FAM171A1: variants seen among roughly 807,000 people sequenced by gnomAD.
FAM171A1 encodes the protein protein FAM171A1.
A neutral mutation model predicts 74.9 loss-of-function variants in FAM171A1; 23 were observed. The ratio of observed to expected loss-of-function variants is 0.31; its 90% CI spans 0.22 to 0.44. The LOEUF is 0.44. Ranked by LOEUF, FAM171A1 falls within the 20% of genes least tolerant of loss-of-function variation. The pLI is 1.00. For synonymous variants in FAM171A1, 527 were observed against 505.7 expected (o/e 1.04, Z -0.57); for missense variants, 1,162 against 1,159.2 (o/e 1.00, Z -0.03).
intron 1 of FAM171A1, among the ~76,000 whole-genome samples, chr10:15,295,846 C>A (rs1057170151): frequency 6.6e-6 from 1 of 152,202 alleles, no homozygotes; most frequent in Non-Finnish European, 1.5e-5. Context: ...TCCTTAGCAC[C>A]ATGATTAGCT....
At chr10:15,333,525 T>C (rs941788724) in intron 1 of FAM171A1, among the ~76,000 whole-genome samples, 3 of 145,826 alleles carry the variant, frequency 2.1e-5, no homozygotes, top group Admixed American at 1.4e-4. Context: ...AGACAACCAA[T>C]CAACCAAAAA....
Position 15,284,073 on chromosome 10 carries a change from T to G in FAM171A1, c.130A>C (p.Ser44Arg), listed in dbSNP as rs1182904567. The G allele has an allele frequency of 6.2e-7, 1 of 1,613,918 alleles. No homozygotes were observed. Among genetic ancestry groups the G allele is most frequent in the African/African-American group, 1.3e-5 (1 of 75,006 alleles). The change falls in exon 2 of 8, where the codon AGC (serine) becomes CGC (arginine). Residue 44 changes from serine (S) to arginine (R), a missense_variant. Ser to Arg is a moderately radical substitution (Grantham distance 110). Coordinates refer to ENST00000378116, the MANE Select transcript of FAM171A1 (RefSeq NM_001010924.2). Reference sequence around the variant, plus strand: ...GCATCTGCTACGGGCTGGTGGGTGCTGGCGTCGCTGATGTGCACCTTTAAC... The same window carrying G: ...GCATCTGCTACGGGCTGGTGGGTGCGGGCGTCGCTGATGTGCACCTTTAAC... The part of the protein sequence containing the change: ...VTLKVHISDA[S>R]THQPVADALI...
intron 3 of FAM171A1, among the ~76,000 whole-genome samples, chr10:15,261,742 G>A (rs1834659911): frequency 6.6e-6 from 1 of 152,120 alleles, no homozygotes. Context: ...TACCATGTGT[G>A]GGGAAGTGAA....
intron 5 of FAM171A1, 55 bp from the exon 6 acceptor site, chr10:15,221,115 G>C (rs1588494930): frequency 2.1e-6 from 3 of 1,418,172 alleles, no homozygotes; most frequent in Non-Finnish European, 2.0e-6. Context: ...CCTTTGTAAG[G>C]CTTGAGCATA....
intron 1 of FAM171A1, among the ~76,000 whole-genome samples, chr10:15,305,054 G>A (rs1835276967): frequency 6.6e-6 from 1 of 152,086 alleles, no homozygotes; most frequent in Admixed American, 6.6e-5. Context: ...TATCTTCCCT[G>A]TAGCTGCCCA....
rs751565132 is a variant in FAM171A1 at position 15,213,069 on chromosome 10, G to A, written c.2519C>T (p.Ala840Val). 24 of 1,613,620 alleles carry A rather than the reference G, an allele frequency of 1.5e-5. 1 individual carries two copies. The Middle Eastern group carries it at 1.3e-3, about 89-fold the overall frequency. ...GGCTGCTGGCTCCGAGGGGGCATCC[G>A]CAGTCCGTCTGGTCGTCTCCTCCTG... ...SLQEETTRRTADAPSEPAASP... is the reference protein window; with the variant it reads ...SLQEETTRRTVDAPSEPAASP... Residue 840 changes from alanine to valine, a missense_variant, in exon 8 of 8, where the codon GCG becomes GTG. Physicochemically the swap from Ala to Val is moderately conservative, Grantham distance 64. Transcript: ENST00000378116. This position sits in a 1 kb window ranked among gnomAD's most constrained non-coding sequence, Gnocchi z 6.8.
At chr10:15,339,766 G>A (rs775362548) in intron 1 of FAM171A1, among the ~76,000 whole-genome samples, 1 of 152,068 alleles carries the variant, frequency 6.6e-6, no homozygotes, top group African/African-American at 2.4e-5. Context: ...CTGCCTTCAC[G>A]CTGCTGATAA....
chr10:15,256,083 C>T (rs1402306964), intron 3 of FAM171A1, among the ~76,000 whole-genome samples: 1 of 152,174 alleles, frequency 6.6e-6, no homozygotes, highest in East Asian at 1.9e-4. Context: ...GTAGATCCAA[C>T]CCCAGGCTTG....
At chr10:15,271,080 C>A (rs1177759350) in intron 3 of FAM171A1, among the ~76,000 whole-genome samples, 1 of 152,154 alleles carries the variant, frequency 6.6e-6, no homozygotes, top group Admixed American at 6.5e-5. Flanking sequence ...TAATAACAAA[C>A]TTCTCTGAGC....
At chr10:15,295,187 C>T (rs913476417) in intron 1 of FAM171A1, among the ~76,000 whole-genome samples, 1 of 152,174 alleles carries the variant, frequency 6.6e-6, no homozygotes. Context: ...ATCCACCTGC[C>T]TCGGCCTCCC....
chr10:15,231,594 G>T (rs1409273990), intron 5 of FAM171A1, among the ~76,000 whole-genome samples: 1 of 151,840 alleles, frequency 6.6e-6, no homozygotes, highest in East Asian at 1.9e-4. Context: ...TAAATTATTT[G>T]CCCTTTTGTG....
chr10:15,282,364 G>T (rs1834980940), intron 2 of FAM171A1, among the ~76,000 whole-genome samples: 2 of 152,224 alleles, frequency 1.3e-5, no homozygotes, highest in Non-Finnish European at 2.9e-5. Flanking sequence ...GCTATGGGCT[G>T]TCAGTTCAAT....
intron 3 of FAM171A1, among the ~76,000 whole-genome samples, chr10:15,267,134 A>AG (rs896416183): frequency 6.6e-6 from 1 of 152,154 alleles, no homozygotes; most frequent in Non-Finnish European, 1.5e-5. Flanking sequence ...TGTACCCCAC[A>AG]GGGGGGCTAC....
intron 1 of FAM171A1, among the ~76,000 whole-genome samples, chr10:15,336,822 G>C (rs976933835): frequency 5.3e-5 from 8 of 152,120 alleles, no homozygotes; most frequent in Non-Finnish European, 7.4e-5. Context: ...AAATGAATAT[G>C]GGGCCACCTA....
At chr10:15,236,409 C>T (rs1267855185) in intron 5 of FAM171A1, among the ~76,000 whole-genome samples, 2 of 152,074 alleles carry the variant, frequency 1.3e-5, no homozygotes, top group Non-Finnish European at 2.9e-5. Flanking sequence ...GCACTCTCCA[C>T]TCACAGCAAT....
intron 4 of FAM171A1, 135 bp downstream of exon 4, chr10:15,254,586 G>T (rs1834551908): frequency 3.2e-6 from 3 of 944,734 alleles, no homozygotes; most frequent in Non-Finnish European, 4.7e-6. Flanking sequence ...ACTTGAACTT[G>T]TACCAAGAAT....
chr10:15,279,119 T>C (rs1374414969), intron 2 of FAM171A1, among the ~76,000 whole-genome samples: 2 of 152,118 alleles, frequency 1.3e-5, no homozygotes, highest in Non-Finnish European at 2.9e-5. Context: ...TTTGGGGGGC[T>C]CGGAGCTCCG....
At chr10:15,236,749 T>C (rs976216508) in intron 5 of FAM171A1, among the ~76,000 whole-genome samples, 8 of 152,192 alleles carry the variant, frequency 5.3e-5, no homozygotes, top group African/African-American at 1.9e-4. Context: ...TCCTAGTTCT[T>C]TTTCACCCAG....
At chr10:15,301,592 C>G (rs1356834576) in intron 1 of FAM171A1, among the ~76,000 whole-genome samples, 1 of 152,092 alleles carries the variant, frequency 6.6e-6, no homozygotes, top group African/African-American at 2.4e-5. Flanking sequence ...TGGTGCCTCT[C>G]GGAAAAGATA....
Sources: allele counts gnomAD v4.1 joint callset (sites outside exome capture counted in the v4.1 genomes callset), GRCh38; gene constraint gnomAD v4.1.1; non-coding constraint Gnocchi (gnomAD v3.1); transcripts MANE v1.5; gene names NCBI Gene and HGNC (gene_info 2026-07-23, HGNC 2026-07-21).